Variants in VIT observed in about 807,000 individuals in gnomAD.
VIT encodes the protein vitrin.
In VIT, 99 loss-of-function variants were observed where a neutral mutation model predicts 78.0. The ratio of observed to expected loss-of-function variants is 1.27; its 90% CI spans 1.08 to 1.50. VIT has a LOEUF of 1.50. VIT is among the 40% of genes most tolerant of loss of function. The pLI, the probability that VIT is intolerant of heterozygous loss-of-function variation, is 0.00. For missense variants in VIT, 1,126 were observed against 875.3 expected, an observed-to-expected ratio of 1.29 and a Z score of -3.61; for synonymous variants, 374 against 334.3, an observed-to-expected ratio of 1.12 and a Z score of -1.29.
At chr2:36,758,821 C>T (rs572465956) in intron 5 of VIT, 148 bp from the exon 6 acceptor site, 35 of 727,374 alleles carry the variant, frequency 4.8e-5, no homozygotes, top group Non-Finnish European at 7.0e-5. Flanking sequence ...ATGACATTCT[C>T]ATTGTAATCA....
intron 3 of VIT, among the ~76,000 whole-genome samples, chr2:36,741,226 C>T (rs1181391510): frequency 6.6e-6 from 1 of 152,040 alleles, no homozygotes; most frequent in Non-Finnish European, 1.5e-5. Context: ...CCAAAATATG[C>T]CTTTAAAAAA....
At chr2:36,709,616 T>C (rs1374668922) in intron 1 of VIT, among the ~76,000 whole-genome samples, 2 of 152,076 alleles carry the variant, frequency 1.3e-5, no homozygotes, top group Admixed American at 1.3e-4. Context: ...ATCAGGGTGA[T>C]TTATGTAGAA....
At chr2:36,729,641 T>G in intron 3 of VIT, 150 bp downstream of exon 3, 1 of 774,564 alleles carries the variant, frequency 1.3e-6, no homozygotes, top group Non-Finnish European at 2.0e-6. Flanking sequence ...ATAAGTCTTA[T>G]CCCCTACCAC....
intron 13 of VIT, among the ~76,000 whole-genome samples, chr2:36,802,068 T>C (rs1226569923): frequency 2.6e-5 from 4 of 152,204 alleles, no homozygotes; most frequent in Admixed American, 2.0e-4. Flanking sequence ...GTAGTGATGA[T>C]TGTGCAAAGA....
At chr2:36,725,059 C>T (rs1666747567) in intron 2 of VIT, among the ~76,000 whole-genome samples, 1 of 152,150 alleles carries the variant, frequency 6.6e-6, no homozygotes, top group African/African-American at 2.4e-5. Context: ...CACTCACACC[C>T]ACTCAAACCC....
At chr2:36,746,139 C>T (rs1668119814) in intron 4 of VIT, among the ~76,000 whole-genome samples, 1 of 152,178 alleles carries the variant, frequency 6.6e-6, no homozygotes, top group Non-Finnish European at 1.5e-5. Context: ...ACCAACCTTG[C>T]ATCCCAGGAA....
At chr2:36,753,115 C>T (rs1668561194) in intron 4 of VIT, among the ~76,000 whole-genome samples, 1 of 151,478 alleles carries the variant, frequency 6.6e-6, no homozygotes, top group Non-Finnish European at 1.5e-5. Context: ...AACAGAAAAT[C>T]AAATACCGCA....
intron 5 of VIT, among the ~76,000 whole-genome samples, chr2:36,756,485 G>C (rs1214046836): frequency 2.0e-5 from 3 of 152,180 alleles, no homozygotes; most frequent in Non-Finnish European, 2.9e-5. Flanking sequence ...AATCTGGGTG[G>C]TTTTCTAGCA....
intron 7 of VIT, among the ~76,000 whole-genome samples, chr2:36,767,606 TGACA>T (rs1669513179): frequency 6.6e-6 from 1 of 152,236 alleles, no homozygotes; most frequent in Admixed American, 6.5e-5. Context: ...GGTTTTTAAG[TGACA>T]AATGGTACAG....
chr2:36,751,514 G>T (rs916375398), intron 4 of VIT, among the ~76,000 whole-genome samples: 5 of 152,200 alleles, frequency 3.3e-5, no homozygotes, highest in Non-Finnish European at 7.3e-5. Context: ...TCCCAGCACT[G>T]CTTAGCGTAC....
rs370352508 is a variant in VIT at position 36,805,679 on chromosome 2, G to A, written c.1389+15G>A. On this transcript the variant is annotated intron_variant, in intron 14 of 15. Transcript: ENST00000379242. The stretch of plus-strand genomic sequence containing the variant: ...TTGCAAACAAGGTAGATGACTGCCC[G>A]GAGACCTACCCAACATCAGGATTTT... The A allele has an allele frequency of 2.2e-5, 36 of 1,603,650 alleles. No homozygotes were observed. Among genetic ancestry groups the A allele is most frequent in the East Asian group, 1.6e-4 (7 of 44,582 alleles).
At chr2:36,714,840 G>A (rs955158279) in intron 1 of VIT, among the ~76,000 whole-genome samples, 1 of 152,094 alleles carries the variant, frequency 6.6e-6, no homozygotes, top group African/African-American at 2.4e-5. Context: ...GACGTATTGG[G>A]TGGATTCAAA....
intron 1 of VIT, among the ~76,000 whole-genome samples, chr2:36,697,482 T>C (rs1664752570): frequency 1.3e-5 from 2 of 152,230 alleles, no homozygotes; most frequent in African/African-American, 2.4e-5. Context: ...CAGTGGAATG[T>C]GGCTAGATGT....
At chr2:36,789,185 T>A (rs1204485066) in intron 12 of VIT, among the ~76,000 whole-genome samples, 1 of 152,160 alleles carries the variant, frequency 6.6e-6, no homozygotes, top group Non-Finnish European at 1.5e-5. Context: ...GAAAGCGCAA[T>A]GCACCGCTGA....
rs60692421 is a variant in VIT at position 36,795,437 on chromosome 2, C to T, written c.1059-5864C>T. 6.1e-3 allele frequency among the ~76,000 whole-genome samples: 914 copies of T among 150,142 alleles called. 7 individuals are homozygous for T. Among genetic ancestry groups the T allele is most frequent in the African/African-American group, 0.022 (878 of 40,820 alleles). On this transcript the variant is annotated intron_variant, in intron 12 of 15. Coordinates refer to ENST00000379242, the MANE Select transcript of VIT (RefSeq NM_053276.4). Reference sequence around the variant, plus strand: ...ATTTTATTTTATTGAGACGGAGTTTCGCTCTTGTTGCCCAGGCTGGATCTT... The same window carrying T: ...ATTTTATTTTATTGAGACGGAGTTTTGCTCTTGTTGCCCAGGCTGGATCTT...
chr2:36,741,071 C>A (rs1667806838), intron 3 of VIT, among the ~76,000 whole-genome samples: 1 of 152,132 alleles, frequency 6.6e-6, no homozygotes, highest in Non-Finnish European at 1.5e-5. Flanking sequence ...AAGAAGAAAT[C>A]TTTCATTTTC....
chr2:36,708,110 T>TACAC (rs1665552765), intron 1 of VIT, among the ~76,000 whole-genome samples: 1 of 137,788 alleles, frequency 7.3e-6, no homozygotes, highest in Non-Finnish European at 1.6e-5. Flanking sequence ...GTAAAGGACC[T>TACAC]CCCCCCCCCG....
At position 36,744,438 on chromosome 2, in the gene VIT, C is replaced by G. The variant is rs148112216; in HGVS notation, c.275+1182C>G. On this transcript the variant is annotated intron_variant, in intron 4 of 15. Transcript: ENST00000379242. Reference sequence around the variant, plus strand: ...TTGGCTGAACTAATTTACATTCCCACCAACAATGTATAAGCATTCCCTTTT... The same window carrying G: ...TTGGCTGAACTAATTTACATTCCCAGCAACAATGTATAAGCATTCCCTTTT... Among the ~76,000 whole-genome samples, 1,307 of 152,312 alleles carry G rather than the reference C, an allele frequency of 8.6e-3. 11 individuals carry two copies. The highest frequency in any genetic ancestry group is 0.03 in the African/African-American group (1,227 of 41,562).
chr2:36,722,124 G>T (rs773040411), intron 2 of VIT, among the ~76,000 whole-genome samples: 2 of 152,240 alleles, frequency 1.3e-5, no homozygotes, highest in Non-Finnish European at 2.9e-5. Flanking sequence ...AGTGTTTAAT[G>T]TGTTTAATTA....
Sources: gnomAD v4.1 joint callset for allele counts (sites outside exome capture counted in the v4.1 genomes callset) on GRCh38, gnomAD v4.1.1 for gene constraint, MANE v1.5 for transcripts, NCBI Gene and HGNC (gene_info 2026-07-23, HGNC 2026-07-21) for gene names.